The following PBX1 variants were observed in gnomAD, a reference collection of about 807,000 sequenced individuals.
PBX1 encodes the protein pre-B-cell leukemia transcription factor 1.
In PBX1, 6 loss-of-function variants were observed where a neutral mutation model predicts 53.4. That is an observed-to-expected ratio of 0.11 (90% CI 0.06 to 0.22). The LOEUF is 0.22. Ranked by LOEUF, PBX1 falls within the 10% of genes least tolerant of loss-of-function variation. PBX1 has a pLI of 1.00. For missense variants in PBX1, 251 were observed against 551.4 expected, an observed-to-expected ratio of 0.46 and a Z score of 5.46; for synonymous variants, 204 against 212.3, an observed-to-expected ratio of 0.96 and a Z score of 0.34.
At chr1:164,767,482 T>C (rs186797904) in intron 2 of PBX1, among the ~76,000 whole-genome samples, 1 of 152,032 alleles carries the variant, frequency 6.6e-6, no homozygotes, top group East Asian at 1.9e-4. Flanking sequence ...GTGGACAGGA[T>C]ATGGATTGGA....
chr1:164,739,753 A>ATGCGTGTGTG (rs1249833541), intron 2 of PBX1, among the ~76,000 whole-genome samples: 15 of 143,112 alleles, frequency 1.0e-4, no homozygotes, highest in African/African-American at 2.3e-4. Flanking sequence ...GTGGTTGTGC[A>ATGCGTGTGTG]TGTGTGTGTG....
chr1:164,583,110 G>A (rs1356853353), intron 2 of PBX1, among the ~76,000 whole-genome samples: 2 of 152,046 alleles, frequency 1.3e-5, no homozygotes, highest in Admixed American at 1.3e-4. Flanking sequence ...TGATTTACTG[G>A]GAATAAACAT....
intron 2 of PBX1, among the ~76,000 whole-genome samples, chr1:164,876,970 T>C (rs950278479): frequency 6.6e-6 from 1 of 152,198 alleles, no homozygotes; most frequent in Non-Finnish European, 1.5e-5. Context: ...TTCAGCCCTT[T>C]CTTTCACCTT....
At chr1:164,563,113 C>T in intron 1 of PBX1, 125 bp from the exon 2 acceptor site, 1 of 572,036 alleles carries the variant, frequency 1.7e-6, no homozygotes, top group South Asian at 2.5e-5. Flanking sequence ...ACAACTGAAG[C>T]ATGCCACAGA....
At chr1:164,765,422 G>A (rs1667013447) in intron 2 of PBX1, among the ~76,000 whole-genome samples, 2 of 152,164 alleles carry the variant, frequency 1.3e-5, no homozygotes, top group Non-Finnish European at 2.9e-5. Flanking sequence ...GAGGGAACTT[G>A]GCTTCATCAA....
intron 2 of PBX1, among the ~76,000 whole-genome samples, chr1:164,728,330 A>AAGAGAG (rs551533075): frequency 6.7e-6 from 1 of 149,430 alleles, no homozygotes; most frequent in Non-Finnish European, 1.5e-5. Context: ...AAAAAAAAAA[A>AAGAGAG]AGAGAGAGAG....
chr1:164,766,523 C>G (rs889940300), intron 2 of PBX1, among the ~76,000 whole-genome samples: 2 of 152,056 alleles, frequency 1.3e-5, no homozygotes, highest in African/African-American at 4.8e-5. Flanking sequence ...GACTCTCATG[C>G]TGAGAGAGAA....
chr1:164,763,993 C>T (rs1202860927), intron 2 of PBX1, among the ~76,000 whole-genome samples: 1 of 152,188 alleles, frequency 6.6e-6, no homozygotes, highest in Non-Finnish European at 1.5e-5. Context: ...AGGATCAATT[C>T]CTTGGTTATT....
intron 2 of PBX1, among the ~76,000 whole-genome samples, chr1:164,625,259 C>T (rs1055303363): frequency 6.6e-6 from 1 of 152,160 alleles, no homozygotes; most frequent in Non-Finnish European, 1.5e-5. Flanking sequence ...AAGTTTGCAG[C>T]TTCTTGACGG....
chr1:164,622,137 A>G (rs1468923695), intron 2 of PBX1, among the ~76,000 whole-genome samples: 2 of 152,176 alleles, frequency 1.3e-5, no homozygotes, highest in East Asian at 3.9e-4. Context: ...GTGTGGGCCC[A>G]GGAGGCAAGG....
At chr1:164,635,728 C>T (rs1557906098) in intron 2 of PBX1, among the ~76,000 whole-genome samples, 1 of 152,190 alleles carries the variant, frequency 6.6e-6, no homozygotes, top group Non-Finnish European at 1.5e-5. Flanking sequence ...TTTTAATTTA[C>T]GTCTATTATA....
intron 8 of PBX1, among the ~76,000 whole-genome samples, chr1:164,836,565 C>G (rs970794222): frequency 6.6e-6 from 1 of 152,076 alleles, no homozygotes; most frequent in Non-Finnish European, 1.5e-5. Context: ...ATTTTAAAAA[C>G]AACAATATCC....
At chr1:164,843,523 G>C (rs1671409757) in intron 8 of PBX1, among the ~76,000 whole-genome samples, 2 of 152,186 alleles carry the variant, frequency 1.3e-5, no homozygotes, top group Middle Eastern at 6.8e-3. Context: ...GTGTGTGTGT[G>C]TATCTGTGTG....
intron 3 of PBX1, among the ~76,000 whole-genome samples, chr1:164,799,445 C>T (rs12129140): frequency 1.3e-5 from 2 of 152,050 alleles, no homozygotes; most frequent in Admixed American, 1.3e-4. Context: ...GAGCCGATAT[C>T]GTGCCACTGC....
intron 2 of PBX1, among the ~76,000 whole-genome samples, chr1:164,778,929 A>AAGTATGTGCT (rs1667800095): frequency 6.6e-6 from 1 of 152,156 alleles, no homozygotes; most frequent in African/African-American, 2.4e-5. Flanking sequence ...CTGCAGAACT[A>AAGTATGTGCT]AGTATGTGCC....
intron 2 of PBX1, among the ~76,000 whole-genome samples, chr1:164,776,974 A>AGAGAGATGGGAGGTGTGGGGGG (rs1667697239): frequency 1.3e-5 from 1 of 77,840 alleles, no homozygotes; most frequent in Non-Finnish European, 2.2e-5. Flanking sequence ...AGAGAGAGAG[A>AGAGAGATGGGAGGTGTGGGGGG]GAGAGGAGGT....
chr1:164,798,600 G>A (rs1028343831), intron 3 of PBX1, among the ~76,000 whole-genome samples: 6 of 152,366 alleles, frequency 3.9e-5, no homozygotes, highest in African/African-American at 1.4e-4. Flanking sequence ...TGTTTGCTGT[G>A]TGCCTGTGGA....
intron 2 of PBX1, chr1:164,700,401 T>G (rs1047316108): frequency 2.1e-6 from 2 of 958,702 alleles, no homozygotes; most frequent in Non-Finnish European, 1.2e-6. Context: ...GAGGTTCTGT[T>G]ATTTCTCCAT....
In PBX1 at chr1:164,615,256, T is replaced by C. The variant is rs564021671; in HGVS notation, c.265+51945T>C. On this transcript the variant is annotated intron_variant, in intron 2 of 8. Transcript: ENST00000420696. ...TGGACCTCATTTCTTTTTCTAACAA[T>C]GTGTGGGTTACCCTGGTCTTGTTGA... 2.6e-5 allele frequency among the ~76,000 whole-genome samples: 4 copies of C among 152,332 alleles called. No homozygotes were observed. The South Asian group carries it at 8.3e-4, about 32-fold the overall frequency.
Sources: gnomAD v4.1 joint callset for allele counts (sites outside exome capture counted in the v4.1 genomes callset) on GRCh38, gnomAD v4.1.1 for gene constraint, MANE v1.5 for transcripts, NCBI Gene and HGNC (gene_info 2026-07-23, HGNC 2026-07-21) for gene names.